KIAA1328: variants seen among roughly 807,000 people sequenced by gnomAD.
The protein encoded by KIAA1328 is KIAA1328, also known as protein hinderin.
A neutral mutation model predicts 68.1 loss-of-function variants in KIAA1328; 52 were observed. That is an observed-to-expected ratio of 0.76 (90% CI 0.61 to 0.96). The LOEUF is 0.96. Ranked by LOEUF, KIAA1328 falls within the 40% of genes least tolerant of loss-of-function variation. The probability of loss-of-function intolerance (pLI) is 0.00; values close to 1 mark genes in which losing one functional copy is unlikely to be tolerated. For missense variants in KIAA1328, 641 were observed against 677.6 expected, an observed-to-expected ratio of 0.95 and a Z score of 0.60; for synonymous variants, 232 against 239.4, an observed-to-expected ratio of 0.97 and a Z score of 0.28.
intron 6 of KIAA1328, among the ~76,000 whole-genome samples, chr18:37,044,263 G>A (rs1239031707): frequency 6.6e-6 from 1 of 152,022 alleles, no homozygotes; most frequent in African/African-American, 2.4e-5. Context: ...AAGATTTATA[G>A]TGGTAGTTCC....
intron 7 of KIAA1328, among the ~76,000 whole-genome samples, chr18:37,126,270 C>G (rs932927387): frequency 6.6e-6 from 1 of 152,132 alleles, no homozygotes; most frequent in African/African-American, 2.4e-5. Flanking sequence ...TCAAACACTT[C>G]TAGTCCTAAA....
At chr18:37,142,236 G>A (rs575741519) in intron 7 of KIAA1328, among the ~76,000 whole-genome samples, 1 of 152,142 alleles carries the variant, frequency 6.6e-6, no homozygotes. Flanking sequence ...CCGTCACCCA[G>A]GCCGGATTGC....
At chr18:36,896,811 A>G (rs1319652665) in intron 5 of KIAA1328, among the ~76,000 whole-genome samples, 1 of 152,150 alleles carries the variant, frequency 6.6e-6, no homozygotes, top group East Asian at 1.9e-4. Context: ...GATTTTCCTT[A>G]AAGGGCTATC....
At chr18:37,167,768 A>C (rs780680532) in intron 8 of KIAA1328, among the ~76,000 whole-genome samples, 4 of 151,904 alleles carry the variant, frequency 2.6e-5, no homozygotes, top group Non-Finnish European at 4.4e-5. Context: ...AAAATGCAAC[A>C]TTTGGGTGCC....
intron 7 of KIAA1328, among the ~76,000 whole-genome samples, chr18:37,094,958 A>T (rs986220273): frequency 1.6e-4 from 24 of 152,130 alleles, no homozygotes; most frequent in African/African-American, 5.8e-4. Flanking sequence ...TATGTCAAAA[A>T]AAAAAAACAT....
chr18:37,069,044 G>A (rs1399725062), intron 7 of KIAA1328, among the ~76,000 whole-genome samples: 1 of 151,966 alleles, frequency 6.6e-6, no homozygotes, highest in Non-Finnish European at 1.5e-5. Context: ...CATAGGTGTT[G>A]AATTTTGTCA....
chr18:37,155,227 A>T (rs934609053), intron 7 of KIAA1328, among the ~76,000 whole-genome samples: 4 of 152,224 alleles, frequency 2.6e-5, no homozygotes, highest in Admixed American at 6.5e-5. Context: ...GGAAATTGAA[A>T]TTGAAGCATA....
intron 6 of KIAA1328, among the ~76,000 whole-genome samples, chr18:36,994,165 A>T (rs1235134613): frequency 2.0e-5 from 3 of 152,182 alleles, no homozygotes; most frequent in Non-Finnish European, 2.9e-5. Context: ...ACTCATGACA[A>T]TACCACAGAT....
chr18:37,001,857 A>C (rs1354156760), intron 6 of KIAA1328, among the ~76,000 whole-genome samples: 1 of 152,206 alleles, frequency 6.6e-6, no homozygotes, highest in Non-Finnish European at 1.5e-5. Flanking sequence ...AAATACTTCA[A>C]AATAATGAAG....
intron 8 of KIAA1328, among the ~76,000 whole-genome samples, chr18:37,161,109 C>T (rs1404673366): frequency 6.6e-6 from 1 of 152,134 alleles, no homozygotes; most frequent in Non-Finnish European, 1.5e-5. Context: ...CTCTCCTGCT[C>T]ACACCTCTTT....
chr18:37,031,749 AG>A (rs563090381), intron 6 of KIAA1328, among the ~76,000 whole-genome samples: 15 of 152,010 alleles, frequency 9.9e-5, no homozygotes, highest in Non-Finnish European at 2.1e-4. Flanking sequence ...TTTCATATTT[AG>A]GGTTTTTTTA....
intron 7 of KIAA1328, among the ~76,000 whole-genome samples, chr18:37,092,441 G>A (rs1196900052): frequency 6.6e-6 from 1 of 151,850 alleles, no homozygotes; most frequent in Non-Finnish European, 1.5e-5. Flanking sequence ...TATTCTGCTT[G>A]CAGCTGATGG....
At chr18:36,909,725 G>A (rs965601657) in intron 5 of KIAA1328, among the ~76,000 whole-genome samples, 1 of 152,150 alleles carries the variant, frequency 6.6e-6, no homozygotes, top group Non-Finnish European at 1.5e-5. Context: ...GTTCCACAAT[G>A]GTTGAACCAG....
At chr18:37,080,636 A>T (rs1384164424) in intron 7 of KIAA1328, among the ~76,000 whole-genome samples, 2 of 151,862 alleles carry the variant, frequency 1.3e-5, no homozygotes, top group Non-Finnish European at 2.9e-5. Context: ...TTAGCCGGGC[A>T]TGGTGGCAGG....
At chr18:37,089,041 A>G (rs1447121557) in intron 7 of KIAA1328, among the ~76,000 whole-genome samples, 3 of 151,994 alleles carry the variant, frequency 2.0e-5, no homozygotes, top group African/African-American at 7.3e-5. Context: ...CTTTTTTCTC[A>G]TTTAACAGTA....
At chr18:37,200,562 A>T (rs1439793853) in intron 9 of KIAA1328, among the ~76,000 whole-genome samples, 1 of 152,098 alleles carries the variant, frequency 6.6e-6, no homozygotes, top group East Asian at 1.9e-4. Context: ...CTGTAATCCC[A>T]GCACTTTGGG....
chr18:36,931,494 A>G (rs946587007), intron 5 of KIAA1328, among the ~76,000 whole-genome samples: 1 of 151,976 alleles, frequency 6.6e-6, no homozygotes, highest in Non-Finnish European at 1.5e-5. Flanking sequence ...ATACCACCCC[A>G]CAATGTCTGT....
chr18:37,098,753 C>T (rs1013103172), intron 7 of KIAA1328, among the ~76,000 whole-genome samples: 9 of 152,054 alleles, frequency 5.9e-5, no homozygotes, highest in African/African-American at 1.4e-4. Flanking sequence ...AATTTCAGAG[C>T]CTGTTATTTA....
chr18:36,991,649 G>A (rs2053181784), intron 6 of KIAA1328, among the ~76,000 whole-genome samples: 1 of 152,168 alleles, frequency 6.6e-6, no homozygotes, highest in Non-Finnish European at 1.5e-5. Flanking sequence ...TTTGAGCTAG[G>A]TGCAGTTGTA....
Sources: allele counts gnomAD v4.1 joint callset (sites outside exome capture counted in the v4.1 genomes callset), GRCh38; gene constraint gnomAD v4.1.1; transcripts MANE v1.5; gene names NCBI Gene and HGNC (gene_info 2026-07-23, HGNC 2026-07-21).